CHEK1: variants seen among roughly 807,000 people sequenced by gnomAD.
CHEK1 encodes the protein serine/threonine-protein kinase Chk1.
CHEK1 carries 32 observed loss-of-function variants against 60.2 expected under a neutral mutation model. That is an observed-to-expected ratio of 0.53 (90% CI 0.40 to 0.71). The LOEUF (loss-of-function observed/expected upper bound fraction) is 0.71, where lower values mean the gene tolerates loss of function less well. CHEK1 is among the 30% of genes least tolerant of loss of function. The pLI, the probability that CHEK1 is intolerant of heterozygous loss-of-function variation, is 0.00. For synonymous variants in CHEK1, 179 were observed against 187.2 expected, an observed-to-expected ratio of 0.96 and a Z score of 0.36; for missense variants, 399 against 564.6, an observed-to-expected ratio of 0.71 and a Z score of 2.97.
chr11:125,659,733 G>A (rs192995150), downstream of CHEK1, among the ~76,000 whole-genome samples: 1 of 151,996 alleles, frequency 6.6e-6, no homozygotes, highest in African/African-American at 2.4e-5. Flanking sequence ...TTTTTAAAGT[G>A]TTGTACTCCC....
In CHEK1 at chr11:125,653,632, A is replaced by G. The variant is rs1941809793; in HGVS notation, c.1234-114A>G. The stretch of plus-strand genomic sequence containing the variant: ...ATCAGTAGTGGGATTGCTGGAACAT[A>G]TAGGTAGTTTTATTTGTAGTTTTTT... On this transcript the variant is annotated intron_variant, in intron 11 of 12. Transcript: ENST00000438015. The surrounding 1 kb of genome is among the most constrained non-coding windows in gnomAD (Gnocchi z 4.3). The G allele has an allele frequency of 3.1e-6, 2 of 650,290 alleles. No homozygotes were observed. The highest frequency in any genetic ancestry group is 1.9e-5 in the African/African-American group (1 of 52,630). The allele number at this position is 650,290 out of a possible 1,614,324, so 40.3% of individuals were successfully genotyped here.
At chr11:125,631,976 G>C (rs377140403) in intron 5 of CHEK1, among the ~76,000 whole-genome samples, 65 of 147,004 alleles carry the variant, frequency 4.4e-4, no homozygotes, top group African/African-American at 1.6e-3. Context: ...GATTTTTAAA[G>C]AAATCAGTCC....
intron 13 of CHEK1, chr11:125,671,537 T>C (rs1012568936): frequency 6.6e-6 from 1 of 152,192 alleles, no homozygotes; most frequent in African/African-American, 2.4e-5. Flanking sequence ...TGTGTATATA[T>C]GTTGAAATTT....
At chr11:125,678,018 C>G, downstream of CHEK1, 1 of 1,614,172 alleles carries the variant, frequency 6.2e-7, no homozygotes, top group East Asian at 2.2e-5. Flanking sequence ...AGGCTGCTCA[C>G]CTACAGTATG....
In CHEK1 at chr11:125,652,844, G is replaced by C. The variant is rs183057428; in HGVS notation, c.1234-902G>C. On this transcript the variant is annotated intron_variant, in intron 11 of 12. Transcript: ENST00000438015. The stretch of plus-strand genomic sequence containing the variant: ...GAATGTTCAGTGATGGGAATGTTCA[G>C]TATCCTTCTAGCAATTTGAAACTCT... 2.7e-3 allele frequency among the ~76,000 whole-genome samples: 410 copies of C among 152,296 alleles called. 1 individual carries two copies. Among genetic ancestry groups the C allele is most frequent in the African/African-American group, 8.9e-3 (370 of 41,556 alleles).
At chr11:125,661,159 G>C (rs1012248073), downstream of CHEK1, among the ~76,000 whole-genome samples, 1 of 152,056 alleles carries the variant, frequency 6.6e-6, no homozygotes, top group African/African-American at 2.4e-5. Flanking sequence ...AATCCAATCT[G>C]ACAGTATTTG....
At chr11:125,647,102 A>AGC (rs1459085024) in intron 11 of CHEK1, among the ~76,000 whole-genome samples, 1 of 152,188 alleles carries the variant, frequency 6.6e-6, no homozygotes, top group East Asian at 1.9e-4. Flanking sequence ...CCTCCTAAGT[A>AGC]GCGGGGACTA....
Position 125,635,501 on chromosome 11 carries a change from ACCC to A in CHEK1, c.687_689del (p.Pro230del). The A allele has an allele frequency of 6.2e-7, 1 of 1,607,440 alleles. No individual in the cohort carries two copies. The highest frequency in any genetic ancestry group is 8.5e-7 in the Non-Finnish European group (1 of 1,177,210). ...TGGAAAGAAAAAAAAACATACCTCA[ACCC>A]TTGGAAAAAAATCGATTCTGCTCCT... On this transcript the variant is annotated inframe_deletion, in exon 7 of 13. Transcript: ENST00000438015.
chr11:125,634,273 T>G (rs561177180), intron 6 of CHEK1, among the ~76,000 whole-genome samples: 1 of 151,320 alleles, frequency 6.6e-6, no homozygotes, highest in African/African-American at 2.4e-5. Context: ...GTTTTTTGGG[T>G]TTTTTGTTAA....
chr11:125,673,212 CTTTT>C (rs11434532), intron 13 of CHEK1, among the ~76,000 whole-genome samples: 1 of 126,840 alleles, frequency 7.9e-6, no homozygotes. Flanking sequence ...CTTTTCTTTT[CTTTT>C]TTTTTTTTGA....
downstream of CHEK1, among the ~76,000 whole-genome samples, chr11:125,676,720 T>C (rs774251374): frequency 7.2e-5 from 11 of 152,132 alleles, no homozygotes; most frequent in Non-Finnish European, 1.0e-4. Flanking sequence ...ATATTTTTAC[T>C]CCAGTCCATA....
downstream of CHEK1, chr11:125,677,802 G>A: frequency 6.2e-7 from 1 of 1,614,108 alleles, no homozygotes; most frequent in South Asian, 1.1e-5. Context: ...CTCACCTGTA[G>A]ATGTGCTTGA....
rs1314732435 is a variant in CHEK1, at chr11:125,643,837, C to T, written c.860C>T (p.Pro287Leu). 6.2e-7 allele frequency: 1 copy of T among 1,613,946 alleles called. No individual in the cohort carries two copies. The highest frequency in any genetic ancestry group is 8.5e-7 in the Non-Finnish European group (1 of 1,180,010). Residue 287 changes from proline to leucine, a missense_variant, in exon 9 of 13, where the codon CCC becomes CTC. Physicochemically the swap from Pro to Leu is moderately conservative, Grantham distance 98. Coordinates refer to ENST00000438015, the MANE Select transcript of CHEK1 (RefSeq NM_001114122.3). The part of the protein sequence containing the change: ...RVTSGGVSES[P>L]SGFSKHIQSN... ...ACTTCAGGTGGTGTGTCAGAGTCTC[C>T]CAGTGGATTTTCTAAGCACATTCAA... is the stretch of plus-strand genomic sequence containing the variant.
intron 8 of CHEK1, among the ~76,000 whole-genome samples, chr11:125,639,363 G>C (rs1162309748): frequency 7.3e-6 from 1 of 136,610 alleles, no homozygotes; most frequent in African/African-American, 2.8e-5. Flanking sequence ...CCTAAATCAC[G>C]TTTTTATAAT....
intron 8 of CHEK1, among the ~76,000 whole-genome samples, chr11:125,638,770 A>G (rs890930501): frequency 6.6e-6 from 1 of 152,080 alleles, no homozygotes; most frequent in African/African-American, 2.4e-5. Context: ...CCGTACTATC[A>G]CAGTCTGCAA....
downstream of CHEK1, among the ~76,000 whole-genome samples, chr11:125,657,659 G>T (rs1941944626): frequency 6.6e-6 from 1 of 151,916 alleles, no homozygotes; most frequent in Admixed American, 6.6e-5. Flanking sequence ...CCATGCTTTT[G>T]TGCATATTGA....
chr11:125,645,844 T>C (rs1941481451), intron 11 of CHEK1, among the ~76,000 whole-genome samples: 1 of 152,222 alleles, frequency 6.6e-6, no homozygotes, highest in Admixed American at 6.5e-5. Context: ...TTTTTCAGTT[T>C]TTCTGTAGAT....
rs540748489 is a variant in CHEK1, at chr11:125,654,482, G to A, written c.1335+635G>A. ...TGTCTTTTAATAAAAATTATGATTT[G>A]TTACAAATATTTCATTATAATTTAA... On this transcript the variant is annotated intron_variant, in intron 12 of 12. Transcript: ENST00000438015. 1.1e-4 allele frequency among the ~76,000 whole-genome samples: 17 copies of A among 152,064 alleles called. No homozygotes were observed. In the East Asian group the frequency reaches 3.3e-3, roughly 29 times the overall value.
At chr11:125,673,969 G>A (rs1942349914) in intron 13 of CHEK1, among the ~76,000 whole-genome samples, 9 of 152,138 alleles carry the variant, frequency 5.9e-5, no homozygotes, top group Admixed American at 5.2e-4. Flanking sequence ...GACCAGCCTG[G>A]CCAAAATGGT....
Sources: allele counts gnomAD v4.1 joint callset (sites outside exome capture counted in the v4.1 genomes callset), GRCh38; gene constraint gnomAD v4.1.1; non-coding constraint Gnocchi (gnomAD v3.1); transcripts MANE v1.5; gene names NCBI Gene and HGNC (gene_info 2026-07-23, HGNC 2026-07-21).